Variants in CFAP20DC observed in about 807,000 individuals in gnomAD.
The protein encoded by CFAP20DC is protein CFAP20DC.
In CFAP20DC, 84 loss-of-function variants were observed where a neutral mutation model predicts 101.7. That is an observed-to-expected ratio of 0.83 (90% CI 0.69 to 0.99). CFAP20DC has a LOEUF of 0.99. Among genes scored for constraint, CFAP20DC ranks in the 50% least tolerant of loss-of-function variants. The pLI is 0.00. For synonymous variants in CFAP20DC, 359 were observed against 351.2 expected, an observed-to-expected ratio of 1.02 and a Z score of -0.25; for missense variants, 1,007 against 970.3, an observed-to-expected ratio of 1.04 and a Z score of -0.50.
intron 14 of CFAP20DC, among the ~76,000 whole-genome samples, chr3:58,821,189 C>A (rs890565812): frequency 2.6e-5 from 4 of 152,054 alleles, no homozygotes; most frequent in African/African-American, 7.2e-5. Context: ...ACCATAAAAA[C>A]CCTAGAAGAA....
At chr3:58,807,679 C>T (rs764717004) in intron 14 of CFAP20DC, among the ~76,000 whole-genome samples, 63 of 152,312 alleles carry the variant, frequency 4.1e-4, no homozygotes, top group Admixed American at 2.4e-3. Flanking sequence ...TCCAAAGGAA[C>T]GCAGTTCCTC....
At position 59,007,384 on chromosome 3, in the gene CFAP20DC, G is replaced by A. The variant is rs1046968566; in HGVS notation, c.278+32173C>T. ...CTTAGATCTCCCTTCTACTACTGCA[G>A]CTGGCGCTCTCTGGAAAGCACCACC... On this transcript the variant is annotated intron_variant, in intron 4 of 16. Transcript: ENST00000482387. The surrounding 1 kb of genome is among the most constrained non-coding windows in gnomAD (Gnocchi z 4.4). 9.6e-4 allele frequency among the ~76,000 whole-genome samples: 146 copies of A among 152,242 alleles called. No homozygotes were observed. Among genetic ancestry groups the A allele is most frequent in the African/African-American group, 3.4e-3 (143 of 41,530 alleles).
intron 14 of CFAP20DC, among the ~76,000 whole-genome samples, chr3:58,813,447 T>C (rs184774040): frequency 6.6e-6 from 1 of 152,042 alleles, no homozygotes; most frequent in African/African-American, 2.4e-5. Flanking sequence ...CTATACATGT[T>C]TAAATTGCAT....
Position 58,762,338 on chromosome 3 carries a change from T to C in CFAP20DC, c.2238-8475A>G, listed in dbSNP as rs1221134383. Among the ~76,000 whole-genome samples, 3 of 152,210 alleles carry C rather than the reference T, an allele frequency of 2.0e-5. No individual in the cohort carries two copies. The East Asian group carries it at 5.8e-4, about 29-fold the overall frequency. On this transcript the variant is annotated intron_variant, in intron 15 of 16. Transcript: ENST00000482387. ...ATCTTTGTTGGTTTAAAGTCTGTTT[T>C]ATCAGGGATGAGGATTGCAACCCCC...
At chr3:58,787,577 G>A (rs1228820050) in intron 15 of CFAP20DC, among the ~76,000 whole-genome samples, 1 of 152,152 alleles carries the variant, frequency 6.6e-6, no homozygotes, top group Non-Finnish European at 1.5e-5. Flanking sequence ...GTGGAGGACA[G>A]TGTGGCGATT....
intron 14 of CFAP20DC, among the ~76,000 whole-genome samples, chr3:58,820,336 A>C: frequency 6.7e-6 from 1 of 150,172 alleles, no homozygotes; most frequent in Non-Finnish European, 1.5e-5. Flanking sequence ...TCAATTAGGA[A>C]AAGAGGAAGT....
intron 7 of CFAP20DC, among the ~76,000 whole-genome samples, chr3:58,871,144 C>A (rs2080173129): frequency 5.3e-5 from 8 of 151,964 alleles, no homozygotes; most frequent in Admixed American, 5.2e-4. Flanking sequence ...GAATAAGTGA[C>A]CCCTTCATGG....
At chr3:58,959,969 T>C (rs1329975716) in intron 4 of CFAP20DC, among the ~76,000 whole-genome samples, 2 of 152,222 alleles carry the variant, frequency 1.3e-5, no homozygotes, top group Admixed American at 1.3e-4. Flanking sequence ...TTGTTAAATT[T>C]TCTGGTTTTT....
At chr3:58,822,186 C>T (rs1426745995) in intron 14 of CFAP20DC, among the ~76,000 whole-genome samples, 1 of 145,664 alleles carries the variant, frequency 6.9e-6, no homozygotes, top group East Asian at 2.0e-4. Context: ...GGGAGATATA[C>T]CTAATGCTAG....
At chr3:58,866,785 G>C in intron 10 of CFAP20DC, 97 bp from the exon 11 acceptor site, 1 of 785,936 alleles carries the variant, frequency 1.3e-6, no homozygotes, top group South Asian at 2.2e-5. Flanking sequence ...TTTACTATTT[G>C]ATCATTTAAA....
At chr3:58,993,639 T>C (rs184837530) in intron 4 of CFAP20DC, among the ~76,000 whole-genome samples, 2 of 152,278 alleles carry the variant, frequency 1.3e-5, no homozygotes, top group East Asian at 3.9e-4. Flanking sequence ...CACGCATCCA[T>C]GTGTCCTCAT....
At chr3:58,993,986 T>C (rs559235478) in intron 4 of CFAP20DC, among the ~76,000 whole-genome samples, 2 of 152,332 alleles carry the variant, frequency 1.3e-5, no homozygotes, top group East Asian at 1.9e-4. Context: ...TTTCTGCCTC[T>C]AGGTCTTTGA....
At chr3:58,905,455 T>A (rs772441213) in intron 6 of CFAP20DC, among the ~76,000 whole-genome samples, 1 of 152,194 alleles carries the variant, frequency 6.6e-6, no homozygotes, top group Non-Finnish European at 1.5e-5. Context: ...AGTAATAAAG[T>A]AAATTGAATC....
intron 14 of CFAP20DC, among the ~76,000 whole-genome samples, chr3:58,816,870 C>T (rs2075212702): frequency 2.6e-5 from 4 of 152,210 alleles, no homozygotes; most frequent in African/African-American, 4.8e-5. Flanking sequence ...GCAGTAACCT[C>T]TGCAGACTTA....
intron 15 of CFAP20DC, among the ~76,000 whole-genome samples, chr3:58,805,779 A>G (rs574751884): frequency 6.6e-6 from 1 of 152,354 alleles, no homozygotes; most frequent in African/African-American, 2.4e-5. Flanking sequence ...CAAAACTCAA[A>G]TTCAGATCCA....
chr3:58,951,417 A>C (rs1259981525), intron 4 of CFAP20DC, among the ~76,000 whole-genome samples: 2 of 152,236 alleles, frequency 1.3e-5, no homozygotes, highest in African/African-American at 4.8e-5. Flanking sequence ...GTATATACCC[A>C]AAGGATTAGA....
At chr3:58,853,174 T>C (rs2078419810) in intron 12 of CFAP20DC, among the ~76,000 whole-genome samples, 1 of 152,100 alleles carries the variant, frequency 6.6e-6, no homozygotes. Context: ...CCCACAGAAA[T>C]ACAAACTACC....
intron 4 of CFAP20DC, among the ~76,000 whole-genome samples, chr3:58,974,397 T>A (rs1401990383): frequency 6.6e-6 from 1 of 152,148 alleles, no homozygotes; most frequent in Non-Finnish European, 1.5e-5. Flanking sequence ...CTTAGGAAAA[T>A]GGACCCCAGC....
chr3:58,912,098 T>C lies in CFAP20DC; in HGVS notation c.550+1610A>G, dbSNP rs1255360183. Among the ~76,000 whole-genome samples, 2 of 152,178 alleles carry C rather than the reference T, an allele frequency of 1.3e-5. No homozygotes were observed. The highest frequency in any genetic ancestry group is 2.9e-5 in the Non-Finnish European group (2 of 68,028). On this transcript the variant is annotated intron_variant, in intron 6 of 16. Transcript: ENST00000482387. The surrounding 1 kb of genome is among the most constrained non-coding windows in gnomAD (Gnocchi z 4.4). ...CGTTATTGTCTCCCCTCCCATATTC[T>C]TTATTCTGGTGGATTTATGCCTTTT... is the stretch of plus-strand genomic sequence containing the variant.
Sources: gnomAD v4.1 joint callset for allele counts (sites outside exome capture counted in the v4.1 genomes callset) on GRCh38, gnomAD v4.1.1 for gene constraint, Gnocchi (gnomAD v3.1) non-coding constraint, MANE v1.5 for transcripts, NCBI Gene and HGNC (gene_info 2026-07-23, HGNC 2026-07-21) for gene names.